OSBPL6: variants seen among roughly 807,000 people sequenced by gnomAD.
OSBPL6 encodes the protein oxysterol binding protein like 6.
OSBPL6 carries 49 observed loss-of-function variants against 125.8 expected under a neutral mutation model. The observed-to-expected ratio is 0.39, with a 90% CI of 0.31 to 0.49. OSBPL6 has a LOEUF of 0.49. OSBPL6 is among the 20% of genes least tolerant of loss of function. The probability of loss-of-function intolerance (pLI) is 0.88; values close to 1 mark genes in which losing one functional copy is unlikely to be tolerated. For missense variants in OSBPL6, 986 were observed against 1,135.4 expected, an observed-to-expected ratio of 0.87 and a Z score of 1.89; for synonymous variants, 394 against 391.8, an observed-to-expected ratio of 1.01 and a Z score of -0.07.
At chr2:178,297,808 T>C in intron 2 of OSBPL6, among the ~76,000 whole-genome samples, 1 of 152,250 alleles carries the variant, frequency 6.6e-6, no homozygotes, top group East Asian at 1.9e-4. Context: ...TGTCTGCATA[T>C]TGTAGAAGTC....
At chr2:178,327,559 CTT>C (rs1045039283) in intron 4 of OSBPL6, among the ~76,000 whole-genome samples, 4 of 152,144 alleles carry the variant, frequency 2.6e-5, no homozygotes, top group Admixed American at 1.3e-4. Flanking sequence ...AGGCATTAGA[CTT>C]TTTATAAGAG....
At chr2:178,332,139 A>G (rs1285421692) in intron 6 of OSBPL6, among the ~76,000 whole-genome samples, 2 of 152,118 alleles carry the variant, frequency 1.3e-5, no homozygotes, top group Non-Finnish European at 2.9e-5. Flanking sequence ...CTTAGGTTTC[A>G]GTTTTGTCCC....
chr2:178,293,016 A>G (rs750760973), intron 2 of OSBPL6, among the ~76,000 whole-genome samples: 1 of 151,812 alleles, frequency 6.6e-6, no homozygotes, highest in Non-Finnish European at 1.5e-5. Context: ...TTTTTTTTCA[A>G]CTGGCACTAT....
intron 21 of OSBPL6, 94 bp from the exon 22 acceptor site, chr2:178,390,979 G>A: frequency 6.7e-7 from 1 of 1,491,460 alleles, no homozygotes; most frequent in South Asian, 1.2e-5. Flanking sequence ...TTGAATAAGG[G>A]ACTTCAAGGC....
chr2:178,280,616 C>A (rs1191281304), intron 1 of OSBPL6, among the ~76,000 whole-genome samples: 1 of 152,284 alleles, frequency 6.6e-6, no homozygotes, highest in Admixed American at 6.5e-5. Flanking sequence ...TATACACTTT[C>A]GTGCATTTAA....
At chr2:178,302,571 T>C (rs1686393651) in intron 2 of OSBPL6, among the ~76,000 whole-genome samples, 1 of 152,174 alleles carries the variant, frequency 6.6e-6, no homozygotes, top group African/African-American at 2.4e-5. Context: ...TTATATTAAG[T>C]ACTTGAAACC....
chr2:178,242,018 T>C (rs2091313032), intron 1 of OSBPL6, among the ~76,000 whole-genome samples: 1 of 152,238 alleles, frequency 6.6e-6, no homozygotes, highest in Admixed American at 6.5e-5. Context: ...TGTAGTAGGC[T>C]ACACCACCTA....
Position 178,265,191 on chromosome 2 carries a change from C to CTT in OSBPL6, c.-350-19699_-350-19698dup, listed in dbSNP as rs376718500. Among the ~76,000 whole-genome samples the CTT allele has an allele frequency of 8.9e-5, 3 of 33,674 alleles. 1 individual carries two copies. Among genetic ancestry groups the CTT allele is most frequent in the Non-Finnish European group, 1.3e-4 (2 of 15,220 alleles). 22.1% of individuals were successfully genotyped at this position (33,674 alleles called of 152,430 possible). ...GTCACTTCCCCTGGCCCAGACGAGACTTTTTTTTTTTTTTTTTTTTTTTTT... is the reference window on the plus strand; with the variant it reads ...GTCACTTCCCCTGGCCCAGACGAGACTTTTTTTTTTTTTTTTTTTTTTTTTTT... On this transcript the variant is annotated intron_variant, in intron 1 of 24. Transcript: ENST00000190611.
chr2:178,320,167 T>C, intron 3 of OSBPL6: 1 of 1,275,854 alleles, frequency 7.8e-7, no homozygotes, highest in East Asian at 2.6e-5. Flanking sequence ...ATTCAGCTAT[T>C]ATTAAGTGTC....
chr2:178,389,835 C>T (rs1695251283), intron 21 of OSBPL6, among the ~76,000 whole-genome samples: 1 of 152,104 alleles, frequency 6.6e-6, no homozygotes, highest in South Asian at 2.1e-4. Flanking sequence ...AATTCATGAT[C>T]CCATTCTAAT....
intron 3 of OSBPL6, among the ~76,000 whole-genome samples, chr2:178,313,930 A>T (rs1687516012): frequency 1.3e-5 from 2 of 152,222 alleles, no homozygotes; most frequent in Non-Finnish European, 1.5e-5. Context: ...ATAAGTAAAG[A>T]AGGTGCCTGG....
chr2:178,194,828 C>A (rs893695267), intron 1 of OSBPL6, among the ~76,000 whole-genome samples, 154 bp downstream of exon 1: 1 of 152,166 alleles, frequency 6.6e-6, no homozygotes, highest in Non-Finnish European at 1.5e-5. Flanking sequence ...ATCGCCGTCC[C>A]CCTGGAGGCG....
At chr2:178,351,000 T>C (rs1402963118) in intron 12 of OSBPL6, among the ~76,000 whole-genome samples, 3 of 152,184 alleles carry the variant, frequency 2.0e-5, no homozygotes, top group Non-Finnish European at 4.4e-5. Flanking sequence ...CATAATCATG[T>C]CATTTGCAGC....
rs534180212 is a variant in OSBPL6, at chr2:178,377,411, A to G, written c.1533+3384A>G. On this transcript the variant is annotated intron_variant, in intron 15 of 24. Transcript: ENST00000190611. Reference sequence around the variant, plus strand: ...CAGAGAAAACCGTTCCCATGATCCAATCACCTCCCACCAGGCCCCACCTCC... The same window carrying G: ...CAGAGAAAACCGTTCCCATGATCCAGTCACCTCCCACCAGGCCCCACCTCC... 4.6e-5 allele frequency among the ~76,000 whole-genome samples: 7 copies of G among 152,322 alleles called. No homozygotes were observed. The South Asian group carries it at 8.3e-4, about 18-fold the overall frequency.
chr2:178,332,799 C>T (rs141038576), intron 7 of OSBPL6, 45 bp downstream of exon 7: 47 of 1,609,882 alleles, frequency 2.9e-5, no homozygotes, highest in Admixed American at 5.0e-5. Context: ...TCAGGGGAAA[C>T]GATTTGCCTA....
intron 15 of OSBPL6, among the ~76,000 whole-genome samples, chr2:178,378,718 G>A (rs1694124438): frequency 6.6e-6 from 1 of 152,210 alleles, no homozygotes; most frequent in Non-Finnish European, 1.5e-5. Flanking sequence ...GTGCAGGGTA[G>A]CGTGAATTGA....
intron 23 of OSBPL6, 91 bp from the exon 24 acceptor site, chr2:178,394,222 T>C: frequency 2.0e-6 from 3 of 1,499,830 alleles, no homozygotes; most frequent in African/African-American, 1.4e-5. Context: ...TTTATGTTCA[T>C]AGCAATTAGA....
chr2:178,302,552 C>T (rs1027566748), intron 2 of OSBPL6, among the ~76,000 whole-genome samples: 12 of 152,060 alleles, frequency 7.9e-5, no homozygotes, highest in African/African-American at 2.9e-4. Context: ...AAGGGCATCT[C>T]ATTCAACTTT....
rs759543729 is a variant in OSBPL6 at position 178,226,198 on chromosome 2, G to A, written c.-351+31524G>A. Among the ~76,000 whole-genome samples the A allele has an allele frequency of 7.2e-4, 109 of 152,176 alleles. 2 individuals are homozygous for A. Among genetic ancestry groups the A allele is most frequent in the Admixed American group, 2.3e-3 (35 of 15,284 alleles). On this transcript the variant is annotated intron_variant, in intron 1 of 24. Transcript: ENST00000190611. ...GAGATGGGTTGGGCATAGATACTTC[G>A]TTTCTTCTGGCTCTCACTTTCTTGC...
Sources: allele counts gnomAD v4.1 joint callset (sites outside exome capture counted in the v4.1 genomes callset), GRCh38; gene constraint gnomAD v4.1.1; transcripts MANE v1.5; gene names NCBI Gene and HGNC (gene_info 2026-07-23, HGNC 2026-07-21).